Variants in RWDD4 observed in about 807,000 individuals in gnomAD.
RWDD4 encodes the protein RWD domain-containing protein 4.
RWDD4 carries 16 observed loss-of-function variants against 30.0 expected under a neutral mutation model. That is an observed-to-expected ratio of 0.53 (90% confidence interval 0.36 to 0.81). The LOEUF (loss-of-function observed/expected upper bound fraction) is 0.81, where lower values mean the gene tolerates loss of function less well. RWDD4 is among the 30% of genes least tolerant of loss of function. RWDD4 has a pLI of 0.00. For missense variants in RWDD4, 170 were observed against 223.9 expected (o/e 0.76, Z 1.54); for synonymous variants, 45 against 72.1 (o/e 0.62, Z 1.90).
chr4:183,655,738 T>A (rs1335378139), intron 2 of RWDD4, 143 bp downstream of exon 2: 22 of 569,200 alleles, frequency 3.9e-5, no homozygotes, highest in Non-Finnish European at 4.7e-5. Flanking sequence ...TGACTGATGT[T>A]AGGGTGATGT....
intron 7 of RWDD4, among the ~76,000 whole-genome samples, chr4:183,644,645 G>A (rs778166136): frequency 1.3e-5 from 2 of 152,084 alleles, no homozygotes; most frequent in Non-Finnish European, 2.9e-5. Context: ...CAGGTGTGGC[G>A]GTGCATGCCT....
At position 183,646,341 on chromosome 4, in the gene RWDD4, A is replaced by C. The variant is rs766742814; in HGVS notation, c.534+10T>G. ...AAGAAGAATGTAAAAGGTATTTCAA[A>C]AATACTTACATGCTGAATGTAAAAA... On this transcript the variant is annotated intron_variant, in intron 7 of 7. Transcript: ENST00000326397. 9.9e-7 allele frequency: 1 copy of C among 1,008,014 alleles called. No homozygotes were observed. The highest frequency in any genetic ancestry group is 1.3e-5 in the South Asian group (1 of 76,932). 62.4% of individuals were successfully genotyped at this position (1,008,014 alleles called of 1,614,324 possible).
rs192904487 is a variant in RWDD4, at chr4:183,649,985, C to G, written c.364-417G>C. On this transcript the variant is annotated intron_variant, in intron 4 of 7. Transcript: ENST00000326397. ...CTTTAGAAAAATCACGTGTGCCTAC[C>G]TAGAACATCCTGGTTCCCGGAAGAA... Among the ~76,000 whole-genome samples the G allele has an allele frequency of 8.7e-4, 133 of 152,198 alleles. 1 individual carries two copies. Among genetic ancestry groups the G allele is most frequent in the Non-Finnish European group, 1.5e-3 (103 of 68,016 alleles).
In RWDD4 at chr4:183,642,315, A is replaced by G. The variant is rs372535517; in HGVS notation, c.535-847T>C. On this transcript the variant is annotated intron_variant, in intron 7 of 7. Transcript: ENST00000326397. ...CGCCATTCTCCTGCCTCAGCCTCCC[A>G]AGTAGCTGGGACTACAGGCGCCCGC... Among the ~76,000 whole-genome samples, 314 of 122,512 alleles carry G rather than the reference A, an allele frequency of 2.6e-3. 31 individuals are homozygous for G. In the South Asian group the frequency reaches 0.028, roughly 11 times the overall value. 80.4% of individuals were successfully genotyped at this position (122,512 alleles called of 152,430 possible). A position where few individuals can be genotyped will look rare whatever the true frequency, so the allele number is the denominator to read the frequency against.
intron 7 of RWDD4, among the ~76,000 whole-genome samples, chr4:183,643,153 A>G (rs1733897399): frequency 7.1e-6 from 1 of 141,058 alleles, no homozygotes; most frequent in Non-Finnish European, 1.5e-5. Flanking sequence ...AAGGCCGGGC[A>G]TGGTGGCTCA....
rs1457641974 is a variant in RWDD4 at position 183,639,823 on chromosome 4, A to T, written c.*1613T>A. On this transcript the variant is annotated 3_prime_UTR_variant, in exon 8 of 8. Transcript: ENST00000326397. ...CACCAGAACCCCTACAAATTTTTAC[A>T]TTTCATATAAAAAGAGTAAAAATAG... The T allele has an allele frequency of 6.6e-6, 1 of 152,652 alleles. No homozygotes were observed. Among genetic ancestry groups the T allele is most frequent in the East Asian group, 1.9e-4 (1 of 5,196 alleles). 9.5% of individuals were successfully genotyped at this position (152,652 alleles called of 1,614,324 possible).
At chr4:183,655,437 A>G (rs189124316) in intron 2 of RWDD4, among the ~76,000 whole-genome samples, 11,543 of 151,088 alleles carry the variant, frequency 0.076, 554 homozygotes, top group East Asian at 0.18. Context: ...GCCCGCCACC[A>G]TGCCCGGCTA....
rs1340806433 is a variant in RWDD4, at chr4:183,640,013, AC to A, written c.*1422del. ...CAACCACAAATACTACCCACACACAACCCTGAAACATAAGTTGCCATATTCC... is the reference window on the plus strand; with the variant it reads ...CAACCACAAATACTACCCACACACAACCTGAAACATAAGTTGCCATATTCC... On this transcript the variant is annotated 3_prime_UTR_variant, in exon 8 of 8. Coordinates refer to ENST00000326397, the MANE Select transcript of RWDD4 (RefSeq NM_152682.4). 3 of 152,058 alleles carry A rather than the reference AC, an allele frequency of 2.0e-5. No homozygotes were observed. The highest frequency in any genetic ancestry group is 4.4e-5 in the Non-Finnish European group (3 of 68,000). The allele number at this position is 152,058 out of a possible 1,614,324, so 9.4% of individuals were successfully genotyped here.
chr4:183,642,392 T>A lies in RWDD4; in HGVS notation c.535-924A>T, dbSNP rs572768196. Among the ~76,000 whole-genome samples, 16 of 86,088 alleles carry A rather than the reference T, an allele frequency of 1.9e-4. 8 individuals carry two copies. Among genetic ancestry groups the A allele is most frequent in the African/African-American group, 9.1e-4 (12 of 13,170 alleles). The allele number at this position is 86,088 out of a possible 152,430, so 56.5% of individuals were successfully genotyped here. ...TTTTAGTAGAGACGGGGTTTCACCG[T>A]GTTAGCCAGGATGGTCTCGATCTCC... On this transcript the variant is annotated intron_variant, in intron 7 of 7. Coordinates refer to ENST00000326397, the MANE Select transcript of RWDD4 (RefSeq NM_152682.4).
intron 2 of RWDD4, among the ~76,000 whole-genome samples, chr4:183,655,196 C>G (rs1400180043): frequency 6.6e-6 from 1 of 152,096 alleles, no homozygotes; most frequent in Non-Finnish European, 1.5e-5. Context: ...CTGCCTCGGC[C>G]TCTCAAAGTT....
intron 5 of RWDD4, among the ~76,000 whole-genome samples, chr4:183,648,411 TAC>T (rs1283111965): frequency 3.3e-5 from 5 of 152,316 alleles, no homozygotes; most frequent in Middle Eastern, 3.4e-3. Context: ...TGAAAAAGTT[TAC>T]AGACTGTTAT....
In RWDD4 at chr4:183,640,051, A is replaced by G. The variant is rs1422508879; in HGVS notation, c.*1385T>C. 1 of 151,792 alleles carries G rather than the reference A, an allele frequency of 6.6e-6. No homozygotes were observed. Among genetic ancestry groups the G allele is most frequent in the Non-Finnish European group, 1.5e-5 (1 of 67,982 alleles). 9.4% of individuals were successfully genotyped at this position (151,792 alleles called of 1,614,324 possible). A position where few individuals can be genotyped will look rare whatever the true frequency, so the allele number is the denominator to read the frequency against. On this transcript the variant is annotated 3_prime_UTR_variant, in exon 8 of 8. Transcript: ENST00000326397. Reference sequence around the variant, plus strand: ...AGTTGCCATATTCCAGTGGTCCTGAATTTTAACATGTTTTGCTCTACATTA... The same window carrying G: ...AGTTGCCATATTCCAGTGGTCCTGAGTTTTAACATGTTTTGCTCTACATTA...
rs58975219 is a variant in RWDD4 at position 183,649,570 on chromosome 4, TA to T, written c.364-3del. 290,224 of 1,131,176 alleles carry T rather than the reference TA, an allele frequency of 0.26. 20,533 individuals carry two copies. The highest frequency in any genetic ancestry group is 0.45 in the African/African-American group (28,952 of 64,000). 70.1% of individuals were successfully genotyped at this position (1,131,176 alleles called of 1,614,324 possible). On this transcript the variant is annotated splice_region_variant and splice_polypyrimidine_tract_variant and intron_variant, in intron 4 of 7. Transcript: ENST00000326397. ...TGAGATGATATTGCTTATCGATGTC[TA>T]AAAAAAAAAAGAAATAATTCTCAGC...
chr4:183,651,356 T>C (rs1734073069), intron 2 of RWDD4, 29 bp from the exon 3 acceptor site: 1 of 1,509,364 alleles, frequency 6.6e-7, no homozygotes, highest in Non-Finnish European at 9.1e-7. Context: ...CTTAGGCTTG[T>C]AAAAGGTGAT....
intron 7 of RWDD4, among the ~76,000 whole-genome samples, chr4:183,641,933 A>G (rs190039720): frequency 6.6e-6 from 1 of 152,266 alleles, no homozygotes; most frequent in Admixed American, 6.5e-5. Context: ...AAATATGATA[A>G]AAGTCTTATT....
rs1342679713 is a variant in RWDD4 at position 183,641,478 on chromosome 4, A to G, written c.535-10T>C. The G allele has an allele frequency of 6.2e-7, 1 of 1,601,462 alleles. No individual in the cohort carries two copies. Among genetic ancestry groups the G allele is most frequent in the South Asian group, 1.1e-5 (1 of 90,224 alleles). ...AGCCAGTTTTGCTTAACTATAAAAA[A>G]AAGAGAGAAAATAGTCAACAAGTGG... is the stretch of plus-strand genomic sequence containing the variant. On this transcript the variant is annotated splice_polypyrimidine_tract_variant and intron_variant, in intron 7 of 7. Transcript: ENST00000326397.
intron 2 of RWDD4, among the ~76,000 whole-genome samples, chr4:183,655,187 T>G (rs1220676784): frequency 6.6e-6 from 1 of 152,066 alleles, no homozygotes; most frequent in Non-Finnish European, 1.5e-5. Context: ...GTGATCCGCC[T>G]GCCTCGGCCT....
At chr4:183,655,294 A>G (rs1734164298) in intron 2 of RWDD4, among the ~76,000 whole-genome samples, 1 of 149,228 alleles carries the variant, frequency 6.7e-6, no homozygotes, top group Non-Finnish European at 1.5e-5. Flanking sequence ...AAAATAAAAT[A>G]CTGTTACTAT....
intron 7 of RWDD4, 137 bp from the exon 8 acceptor site, chr4:183,641,605 CT>C (rs1478500534): frequency 4.3e-6 from 3 of 689,866 alleles, no homozygotes; most frequent in Non-Finnish European, 7.7e-6. Flanking sequence ...CATGTAGCTA[CT>C]TTTCAACTTC....
Sources: gnomAD v4.1 joint callset for allele counts (sites outside exome capture counted in the v4.1 genomes callset) on GRCh38, gnomAD v4.1.1 for gene constraint, MANE v1.5 for transcripts, NCBI Gene and HGNC (gene_info 2026-07-23, HGNC 2026-07-21) for gene names.